The following SPATA17 variants were observed in gnomAD, a reference collection of about 807,000 sequenced individuals.
SPATA17 encodes the protein spermatogenesis-associated protein 17.
SPATA17 carries 53 observed loss-of-function variants against 62.2 expected under a neutral mutation model. That is an observed-to-expected ratio of 0.85 (90% CI 0.68 to 1.07). The LOEUF (loss-of-function observed/expected upper bound fraction) is 1.07, where lower values mean the gene tolerates loss of function less well. Ranked by LOEUF, SPATA17 falls within the 50% of genes least tolerant of loss-of-function variation. The pLI is 0.00. For missense variants in SPATA17, 466 were observed against 425.5 expected (o/e 1.10, Z -0.84); for synonymous variants, 146 against 146.8 (o/e 0.99, Z 0.04).
chr1:217,729,416 A>G (rs1672345018), intron 5 of SPATA17, among the ~76,000 whole-genome samples: 1 of 152,184 alleles, frequency 6.6e-6, no homozygotes, highest in African/African-American at 2.4e-5. Context: ...CATTTTAAAA[A>G]CATAATATTA....
intron 5 of SPATA17, among the ~76,000 whole-genome samples, chr1:217,735,690 T>C (rs1246565930): frequency 6.6e-6 from 1 of 152,178 alleles, no homozygotes; most frequent in Non-Finnish European, 1.5e-5. Context: ...GTTGAGGGGA[T>C]CTATGAAGCC....
chr1:217,754,706 T>A (rs1189437906), intron 6 of SPATA17, among the ~76,000 whole-genome samples: 3 of 152,210 alleles, frequency 2.0e-5, no homozygotes, highest in Non-Finnish European at 2.9e-5. Context: ...TTGAAAAACT[T>A]CATAATCTTT....
At chr1:217,711,408 A>C (rs1002482484) in intron 5 of SPATA17, among the ~76,000 whole-genome samples, 2 of 152,184 alleles carry the variant, frequency 1.3e-5, no homozygotes, top group African/African-American at 2.4e-5. Flanking sequence ...TGGGTACATC[A>C]TGAAAGCTTT....
chr1:217,863,334 A>G (rs1468991580), intron 10 of SPATA17, among the ~76,000 whole-genome samples: 1 of 151,848 alleles, frequency 6.6e-6, no homozygotes, highest in Non-Finnish European at 1.5e-5. Flanking sequence ...TTTCACCATG[A>G]TGGCCAGGCT....
intron 5 of SPATA17, among the ~76,000 whole-genome samples, chr1:217,683,719 C>T (rs917486010): frequency 1.3e-5 from 2 of 152,156 alleles, no homozygotes; most frequent in Admixed American, 6.6e-5. Context: ...GGATCACAGG[C>T]GTGAGCCACT....
chr1:217,742,076 A>G lies in SPATA17; in HGVS notation c.497A>G (p.His166Arg). Residue 166 changes from histidine to arginine, a missense_variant, in exon 6 of 11, where the codon CAT becomes CGT. By Grantham distance (29) the His-to-Arg change is conservative (BLOSUM62 0). Transcript: ENST00000366933. ...KKRDYQARKM[H>R]YLLSTKQIPG... ...AGAGATTACCAAGCCCGAAAGATGC[A>G]TTACCTCCTCAGCACAAAGCAGGTT... 2.5e-6 allele frequency: 4 copies of G among 1,614,176 alleles called. No individual in the cohort carries two copies. In the East Asian group the frequency reaches 8.9e-5, roughly 36 times the overall value.
intron 10 of SPATA17, 42 bp from the exon 11 acceptor site, chr1:217,866,980 T>C (rs1571851264): frequency 1.3e-5 from 2 of 151,962 alleles, no homozygotes; most frequent in East Asian, 3.9e-4. Flanking sequence ...GTCTGATGAG[T>C]GACCTTGGAT....
Position 217,742,044 on chromosome 1 carries a change from G to A in SPATA17, c.465G>A (p.Glu155=). ...AGAAGGCTAACCTCGAAAGGGAAGA[G>A]AAGAAAAGAGATTACCAAGCCCGAA... ...EEKKANLERE[E]KKRDYQARKM... is the part of the protein sequence containing the mutation. Residue 155 remains glutamate, a synonymous_variant, in exon 6 of 11, where the codon GAG becomes GAA. Coordinates refer to ENST00000366933, the MANE Select transcript of SPATA17 (RefSeq NM_138796.4). 14 of 1,614,142 alleles carry A rather than the reference G, an allele frequency of 8.7e-6. No individual in the cohort carries two copies. The highest frequency in any genetic ancestry group is 1.2e-5 in the Non-Finnish European group (14 of 1,180,024).
intron 6 of SPATA17, among the ~76,000 whole-genome samples, chr1:217,749,975 C>CTA (rs1285806657): frequency 6.5e-3 from 255 of 39,252 alleles, no homozygotes; most frequent in Middle Eastern, 0.02. Flanking sequence ...CTCTCTCTCT[C>CTA]TCTCTCTCTC....
At position 217,683,254 on chromosome 1, in the gene SPATA17, A is replaced by C; in HGVS notation, c.292-4A>C. The C allele has an allele frequency of 6.3e-7, 1 of 1,581,458 alleles. No homozygotes were observed. The highest frequency in any genetic ancestry group is 8.6e-7 in the Non-Finnish European group (1 of 1,159,848). On this transcript the variant is annotated splice_region_variant and splice_polypyrimidine_tract_variant and intron_variant, in intron 4 of 10. Transcript: ENST00000366933. ...ATATTTTATCTCTTTATTTACTTTAATAGATTCAGAGACGATGGCGAGGCT... is the reference window on the plus strand; with the variant it reads ...ATATTTTATCTCTTTATTTACTTTACTAGATTCAGAGACGATGGCGAGGCT...
chr1:217,863,513 T>A (rs910698973), intron 10 of SPATA17, among the ~76,000 whole-genome samples: 2 of 152,158 alleles, frequency 1.3e-5, no homozygotes, highest in Non-Finnish European at 2.9e-5. Flanking sequence ...GCCAAAATAC[T>A]TCTCAGTGCT....
At chr1:217,638,104 A>G (rs2102875138) in intron 1 of SPATA17, among the ~76,000 whole-genome samples, 1 of 152,236 alleles carries the variant, frequency 6.6e-6, no homozygotes, top group East Asian at 1.9e-4. Context: ...GTGAATATCG[A>G]AAAGGTAATT....
chr1:217,722,326 A>C (rs1672150963), intron 5 of SPATA17, among the ~76,000 whole-genome samples: 1 of 152,160 alleles, frequency 6.6e-6, no homozygotes, highest in Non-Finnish European at 1.5e-5. Flanking sequence ...AACATTAGCC[A>C]TCCTGCAGGT....
At chr1:217,799,543 C>T (rs550597810) in intron 8 of SPATA17, among the ~76,000 whole-genome samples, 29 of 152,098 alleles carry the variant, frequency 1.9e-4, no homozygotes, top group African/African-American at 4.8e-4. Context: ...CAAGAGCATA[C>T]GTAATACATG....
At chr1:217,635,659 G>A (rs766766163) in intron 1 of SPATA17, among the ~76,000 whole-genome samples, 21 of 152,098 alleles carry the variant, frequency 1.4e-4, no homozygotes, top group Non-Finnish European at 2.5e-4. Context: ...AGCCAAGGTC[G>A]GACCATTGCA....
chr1:217,833,974 A>G (rs1675203146), intron 9 of SPATA17, among the ~76,000 whole-genome samples: 2 of 152,210 alleles, frequency 1.3e-5, no homozygotes, highest in Admixed American at 1.3e-4. Context: ...AAATGGAATT[A>G]GAACTCCAAT....
chr1:217,742,025 C>T lies in SPATA17; in HGVS notation c.446C>T (p.Ala149Val), dbSNP rs747368883. The T allele has an allele frequency of 1.2e-6, 2 of 1,613,966 alleles. No homozygotes were observed. The highest frequency in any genetic ancestry group is 1.7e-6 in the Non-Finnish European group (2 of 1,179,916). The change falls in exon 6 of 11, where the codon GCT (alanine) becomes GTT (valine). Residue 149 changes from alanine (A) to valine (V), a missense_variant. Ala to Val is a moderately conservative substitution (Grantham distance 64). Coordinates refer to ENST00000366933, the MANE Select transcript of SPATA17 (RefSeq NM_138796.4). ...AEMKEREEKK[A>V]NLEREEKKRD... ...ATGAAAGAAAGAGAAGAGAAGAAGG[C>T]TAACCTCGAAAGGGAAGAGAAGAAA...
intron 1 of SPATA17, among the ~76,000 whole-genome samples, chr1:217,646,789 G>T (rs190729958): frequency 5.7e-4 from 87 of 152,202 alleles, no homozygotes; most frequent in African/African-American, 2.0e-3. Context: ...CAGCTACTCG[G>T]AGGCTAAGGC....
At chr1:217,633,386 A>C (rs757622351) in intron 1 of SPATA17, among the ~76,000 whole-genome samples, 1 of 145,538 alleles carries the variant, frequency 6.9e-6, no homozygotes, top group South Asian at 2.1e-4. Flanking sequence ...TTATCTATTT[A>C]TTAGATAATC....
Sources: gnomAD v4.1 joint callset for allele counts (sites outside exome capture counted in the v4.1 genomes callset) on GRCh38, gnomAD v4.1.1 for gene constraint, MANE v1.5 for transcripts, NCBI Gene and HGNC (gene_info 2026-07-23, HGNC 2026-07-21) for gene names.